TEAD1: variants seen among roughly 807,000 people sequenced by gnomAD.
TEAD1 encodes the protein transcriptional enhancer factor TEF-1.
A neutral mutation model predicts 54.9 loss-of-function variants in TEAD1; 9 were observed. The observed-to-expected ratio is 0.16, with a 90% CI of 0.10 to 0.29. The LOEUF (loss-of-function observed/expected upper bound fraction) is 0.29, where lower values mean the gene tolerates loss of function less well. Among genes scored for constraint, TEAD1 ranks in the 10% least tolerant of loss-of-function variants. TEAD1 has a pLI of 1.00. For missense variants in TEAD1, 387 were observed against 535.9 expected, an observed-to-expected ratio of 0.72 and a Z score of 2.74; for synonymous variants, 200 against 187.8, an observed-to-expected ratio of 1.07 and a Z score of -0.53.
chr11:12,698,826 A>T (rs1190480246), intron 2 of TEAD1, among the ~76,000 whole-genome samples: 1 of 152,226 alleles, frequency 6.6e-6, no homozygotes, highest in Non-Finnish European at 1.5e-5. Flanking sequence ...TTGCTATAAG[A>T]TGCTTCAGGG....
intron 2 of TEAD1, among the ~76,000 whole-genome samples, chr11:12,717,998 A>G (rs1424543185): frequency 6.6e-6 from 1 of 152,256 alleles, no homozygotes; most frequent in African/African-American, 2.4e-5. Flanking sequence ...CATAGTGAGC[A>G]GCACGTGAAT....
rs77307230 is a variant in TEAD1 at position 12,851,968 on chromosome 11, A to G, written c.203-10282A>G. Among the ~76,000 whole-genome samples, 548 of 152,310 alleles carry G rather than the reference A, an allele frequency of 3.6e-3. 19 individuals carry two copies. In the East Asian group the frequency reaches 0.088, roughly 24 times the overall value. ...GCAGCAGTAGCAGGGGTGCATGCTC[A>G]GTACTTGAGGTTACAAAGCAGGAAA... On this transcript the variant is annotated intron_variant, in intron 3 of 12. Coordinates refer to ENST00000527636, the MANE Select transcript of TEAD1 (RefSeq NM_021961.6).
intron 2 of TEAD1, among the ~76,000 whole-genome samples, chr11:12,708,341 A>G (rs1291053090): frequency 3.3e-5 from 5 of 151,954 alleles, no homozygotes; most frequent in Admixed American, 2.6e-4. Flanking sequence ...TGTGGGCAAG[A>G]ATGTAACAAT....
chr11:12,822,753 C>G (rs926451258), intron 3 of TEAD1: 4 of 152,154 alleles, frequency 2.6e-5, no homozygotes, highest in Non-Finnish European at 5.9e-5. Context: ...GTTTTAAGAG[C>G]GCCTTCACTC....
At chr11:12,805,349 A>G (rs1024769086) in intron 3 of TEAD1, among the ~76,000 whole-genome samples, 1 of 152,186 alleles carries the variant, frequency 6.6e-6, no homozygotes, top group African/African-American at 2.4e-5. Flanking sequence ...ATTTGTAACT[A>G]TAGTTTGTGA....
At position 12,847,620 on chromosome 11, in the gene TEAD1, A is replaced by G. The variant is rs572645709; in HGVS notation, c.203-14630A>G. Among the ~76,000 whole-genome samples, 80 of 152,326 alleles carry G rather than the reference A, an allele frequency of 5.3e-4. 1 individual carries two copies. Among genetic ancestry groups the G allele is most frequent in the Admixed American group, 5.2e-3 (80 of 15,304 alleles). On this transcript the variant is annotated intron_variant, in intron 3 of 12. Coordinates refer to ENST00000527636, the MANE Select transcript of TEAD1 (RefSeq NM_021961.6). Reference sequence around the variant, plus strand: ...AGAAAAGACAAAAACTGATTTGCCCATGTAACGTTTTAATTTTTTACGGAT... The same window carrying G: ...AGAAAAGACAAAAACTGATTTGCCCGTGTAACGTTTTAATTTTTTACGGAT...
chr11:12,926,388 A>G (rs1948903032), intron 11 of TEAD1, among the ~76,000 whole-genome samples: 1 of 152,150 alleles, frequency 6.6e-6, no homozygotes, highest in Admixed American at 6.5e-5. Context: ...AGGGGTCATG[A>G]GCTTTCCCAC....
intron 3 of TEAD1, among the ~76,000 whole-genome samples, chr11:12,797,128 C>T (rs944037467): frequency 5.3e-5 from 8 of 152,172 alleles, no homozygotes; most frequent in Non-Finnish European, 8.8e-5. Flanking sequence ...AAAAAACCTA[C>T]AGATGTATTT....
chr11:12,717,138 A>C (rs899108860), intron 2 of TEAD1, among the ~76,000 whole-genome samples: 1 of 152,254 alleles, frequency 6.6e-6, no homozygotes, highest in East Asian at 1.9e-4. Flanking sequence ...GAATGTAGTT[A>C]TACTGATCAT....
intron 2 of TEAD1, among the ~76,000 whole-genome samples, chr11:12,736,556 G>A (rs1385411720): frequency 5.3e-5 from 8 of 152,124 alleles, no homozygotes; most frequent in Non-Finnish European, 8.8e-5. Flanking sequence ...AAAAATGTGC[G>A]TCTATGAATA....
At chr11:12,923,695 G>A (rs1948855014) in intron 10 of TEAD1, among the ~76,000 whole-genome samples, 1 of 152,176 alleles carries the variant, frequency 6.6e-6, no homozygotes. Flanking sequence ...AGGCTGGGAT[G>A]TCCAAGATCG....
chr11:12,812,520 G>A (rs1459161057), intron 3 of TEAD1, among the ~76,000 whole-genome samples: 1 of 152,128 alleles, frequency 6.6e-6, no homozygotes, highest in Non-Finnish European at 1.5e-5. Flanking sequence ...GGATGGTAGA[G>A]GGACAGATTC....
intron 3 of TEAD1, among the ~76,000 whole-genome samples, chr11:12,861,967 CAA>C (rs1287139496): frequency 7.3e-6 from 1 of 136,616 alleles, no homozygotes; most frequent in Non-Finnish European, 1.6e-5. Context: ...GCCTGGGCAA[CAA>C]GAGTGAAACT....
Position 12,937,276 on chromosome 11 carries a change from C to T in TEAD1, c.*54C>T. 4 of 1,311,158 alleles carry T rather than the reference C, an allele frequency of 3.1e-6. No homozygotes were observed. The highest frequency in any genetic ancestry group is 2.2e-6 in the Non-Finnish European group (2 of 914,190). 81.2% of individuals were successfully genotyped at this position (1,311,158 alleles called of 1,614,324 possible). A position where few individuals can be genotyped will look rare whatever the true frequency, so the allele number is the denominator to read the frequency against. Reference sequence around the variant, plus strand: ...GTATATACACACACACATATGTGCACACACACACTCTCTCTCCATTATCGA... The same window carrying T: ...GTATATACACACACACATATGTGCATACACACACTCTCTCTCCATTATCGA... On this transcript the variant is annotated 3_prime_UTR_variant, in exon 13 of 13. Transcript: ENST00000527636.
At chr11:12,836,918 TATGAA>T (rs1223324025) in intron 3 of TEAD1, among the ~76,000 whole-genome samples, 1 of 152,214 alleles carries the variant, frequency 6.6e-6, no homozygotes, top group Non-Finnish European at 1.5e-5. Flanking sequence ...AGTGTTGTAT[TATGAA>T]ATGCAGAGTT....
intron 3 of TEAD1, among the ~76,000 whole-genome samples, chr11:12,785,988 T>C (rs947630275): frequency 5.9e-5 from 9 of 152,208 alleles, no homozygotes; most frequent in African/African-American, 2.2e-4. Flanking sequence ...TCTGCAAACC[T>C]GTAGCCCCAG....
At chr11:12,935,476 T>TTTATTTATTTA (rs1554951557) in intron 12 of TEAD1, among the ~76,000 whole-genome samples, 13 of 136,262 alleles carry the variant, frequency 9.5e-5, no homozygotes, top group African/African-American at 3.7e-4. Context: ...TTATTTATTT[T>TTTATTTATTTA]TGAGGTAGAG....
chr11:12,907,752 G>A (rs1336031287), intron 10 of TEAD1, among the ~76,000 whole-genome samples: 1 of 152,202 alleles, frequency 6.6e-6, no homozygotes, highest in Non-Finnish European at 1.5e-5. Flanking sequence ...CACACATGAA[G>A]AAATCAAACC....
chr11:12,814,871 CTG>C (rs1007709404), intron 3 of TEAD1, among the ~76,000 whole-genome samples: 1 of 133,586 alleles, frequency 7.5e-6, no homozygotes, highest in Non-Finnish European at 1.6e-5. Context: ...GTGTGTGTGT[CTG>C]TGTGTGTGTG....
Sources: gnomAD v4.1 joint callset for allele counts (sites outside exome capture counted in the v4.1 genomes callset) on GRCh38, gnomAD v4.1.1 for gene constraint, MANE v1.5 for transcripts, NCBI Gene and HGNC (gene_info 2026-07-23, HGNC 2026-07-21) for gene names.